The following TRAF3 variants were observed in gnomAD, a reference collection of about 807,000 sequenced individuals.
The protein encoded by TRAF3 is TNF receptor-associated factor 3.
Under a neutral mutation model 62.3 loss-of-function variants are expected in TRAF3, and 13 were observed. The observed-to-expected ratio is 0.21, with a 90% confidence interval of 0.14 to 0.33. TRAF3 has a LOEUF of 0.33. Ranked by LOEUF, TRAF3 falls within the 10% of genes least tolerant of loss-of-function variation. The probability of loss-of-function intolerance (pLI) is 1.00; values close to 1 mark genes in which losing one functional copy is unlikely to be tolerated. For missense variants in TRAF3, 440 were observed against 741.8 expected, an observed-to-expected ratio of 0.59 and a Z score of 4.73; for synonymous variants, 269 against 283.4, an observed-to-expected ratio of 0.95 and a Z score of 0.51.
intron 10 of TRAF3, among the ~76,000 whole-genome samples, chr14:102,899,640 A>G (rs1890176930): frequency 6.6e-6 from 1 of 152,104 alleles, no homozygotes; most frequent in South Asian, 2.1e-4. Context: ...TGGACCAGCT[A>G]GGTGATGAGG....
intron 1 of TRAF3, among the ~76,000 whole-genome samples, chr14:102,802,594 C>T (rs1441018347): frequency 4.0e-5 from 6 of 151,172 alleles, no homozygotes; most frequent in South Asian, 2.1e-4. Flanking sequence ...TTTGGGAGGT[C>T]GAGGTGGGAG....
rs1200081240 is a variant in TRAF3, at chr14:102,876,698, CG to C, written c.570+174del. On this transcript the variant is annotated intron_variant, in intron 6 of 11. Coordinates refer to ENST00000392745, the MANE Select transcript of TRAF3 (RefSeq NM_145725.3). ...TAGATATTCCGTTCCACAGGCCTTC[CG>C]CTCAATTCATAGATAATCCGTTCCA... is the stretch of plus-strand genomic sequence containing the variant. The C allele has an allele frequency of 7.1e-6, 6 of 842,176 alleles. No homozygotes were observed. The South Asian group carries it at 7.7e-5, about 11-fold the overall frequency. The allele number at this position is 842,176 out of a possible 1,614,324, so 52.2% of individuals were successfully genotyped here. A position where few individuals can be genotyped will look rare whatever the true frequency, so the allele number is the denominator to read the frequency against.
chr14:102,781,754 G>A (rs1897281860), intron 1 of TRAF3, among the ~76,000 whole-genome samples: 1 of 151,018 alleles, frequency 6.6e-6, no homozygotes, highest in South Asian at 2.1e-4. Context: ...AGCCTCCCGA[G>A]TAGCTGGGAT....
chr14:102,848,754 C>T (rs1289741193), intron 2 of TRAF3, among the ~76,000 whole-genome samples: 1 of 152,096 alleles, frequency 6.6e-6, no homozygotes, highest in Non-Finnish European at 1.5e-5. Flanking sequence ...TTGGAAAATC[C>T]AGGCTGATTG....
chr14:102,872,029 C>T, intron 4 of TRAF3, 61 bp downstream of exon 4: 3 of 1,557,316 alleles, frequency 1.9e-6, no homozygotes, highest in Non-Finnish European at 2.7e-6. Context: ...ATACTTTTCA[C>T]ATAGTTTGCA....
rs1595417023 is a variant in TRAF3 at position 102,905,214 on chromosome 14, C to G, written c.1137C>G (p.Gly379=). ...CCAAACCCTCCTCACCTGTGGCAGG[C>G]CTGCTGGAGTCCCAGCTGAGCCGGC... ...KSAGQVARNT[G]LLESQLSRHD... Residue 379 remains glycine (G), a splice_region_variant and synonymous_variant, in exon 12 of 12, where the codon GGC becomes GGG. Transcript: ENST00000392745. The G allele has an allele frequency of 6.2e-7, 1 of 1,613,178 alleles. No individual in the cohort carries two copies. The highest frequency in any genetic ancestry group is 8.5e-7 in the Non-Finnish European group (1 of 1,180,002).
At chr14:102,825,572 G>C (rs767452253) in intron 1 of TRAF3, among the ~76,000 whole-genome samples, 77 of 152,234 alleles carry the variant, frequency 5.1e-4, no homozygotes, top group Non-Finnish European at 9.0e-4. Flanking sequence ...CCTTCCCACT[G>C]CTCGAGATCC....
chr14:102,903,612 GT>G lies in TRAF3; in HGVS notation c.1135+186del. On this transcript the variant is annotated intron_variant, in intron 11 of 11. Coordinates refer to ENST00000392745, the MANE Select transcript of TRAF3 (RefSeq NM_145725.3). This position sits in a 1 kb window ranked among gnomAD's most constrained non-coding sequence, Gnocchi z 6.4. ...TGAAAGTCCCCCAGCAAAGACAAAC[GT>G]TTCCCGCGCAGGCTTGTCCCCTCCG... 1 of 902,966 alleles carries G rather than the reference GT, an allele frequency of 1.1e-6. No individual in the cohort carries two copies. Among genetic ancestry groups the G allele is most frequent in the South Asian group, 1.4e-5 (1 of 71,036 alleles). 55.9% of individuals were successfully genotyped at this position (902,966 alleles called of 1,614,324 possible).
chr14:102,895,362 G>C (rs1595405251), intron 9 of TRAF3, among the ~76,000 whole-genome samples: 1 of 152,232 alleles, frequency 6.6e-6, no homozygotes, highest in East Asian at 1.9e-4. Context: ...GACGGTGATT[G>C]CTTCAAAAGA....
In TRAF3 at chr14:102,905,821, T is replaced by C; in HGVS notation, c.*37T>C. Reference sequence around the variant, plus strand: ...GGAGGTGGATTTAGCAGAAGGCAACTCCTCTGGGGGATTTGAACCGGTCTG... The same window carrying C: ...GGAGGTGGATTTAGCAGAAGGCAACCCCTCTGGGGGATTTGAACCGGTCTG... On this transcript the variant is annotated 3_prime_UTR_variant, in exon 12 of 12. Transcript: ENST00000392745. 1 of 1,572,742 alleles carries C rather than the reference T, an allele frequency of 6.4e-7. No individual in the cohort carries two copies. Among genetic ancestry groups the C allele is most frequent in the Non-Finnish European group, 8.7e-7 (1 of 1,144,924 alleles).
intron 9 of TRAF3, among the ~76,000 whole-genome samples, chr14:102,893,752 G>A (rs1332931986): frequency 2.6e-5 from 4 of 152,128 alleles, no homozygotes; most frequent in East Asian, 3.9e-4. Context: ...CCTCTTGGAC[G>A]TTGCCAAAGG....
At chr14:102,790,473 A>G (rs1356088198) in intron 1 of TRAF3, among the ~76,000 whole-genome samples, 3 of 152,224 alleles carry the variant, frequency 2.0e-5, no homozygotes, top group Admixed American at 1.3e-4. Flanking sequence ...AAGAGGTTTA[A>G]TGGACTCATT....
At chr14:102,845,021 C>T (rs1469985112) in intron 2 of TRAF3, among the ~76,000 whole-genome samples, 2 of 151,764 alleles carry the variant, frequency 1.3e-5, no homozygotes, top group Admixed American at 1.3e-4. Flanking sequence ...CCTCAGCCTC[C>T]TGAGTAGCTG....
At chr14:102,785,309 A>C (rs1051886473) in intron 1 of TRAF3, among the ~76,000 whole-genome samples, 1 of 151,784 alleles carries the variant, frequency 6.6e-6, no homozygotes, top group African/African-American at 2.4e-5. Flanking sequence ...CCTCGGATTC[A>C]CTCTCCTTTG....
chr14:102,805,588 G>A (rs537158133), intron 1 of TRAF3, among the ~76,000 whole-genome samples: 1 of 152,272 alleles, frequency 6.6e-6, no homozygotes, highest in Admixed American at 6.5e-5. Flanking sequence ...CTCCCTGCTG[G>A]TGAGCAGTGA....
At position 102,897,167 on chromosome 14, in the gene TRAF3, C is replaced by T. The variant is rs1435952070; in HGVS notation, c.820-94C>T. Reference sequence around the variant, plus strand: ...TTCTGAAACTCTGTCAATAAGCTAACAGAAGGCCTATATTGTGAAAATTTA... The same window carrying T: ...TTCTGAAACTCTGTCAATAAGCTAATAGAAGGCCTATATTGTGAAAATTTA... On this transcript the variant is annotated intron_variant, in intron 9 of 11. Coordinates refer to ENST00000392745, the MANE Select transcript of TRAF3 (RefSeq NM_145725.3). 6 of 1,161,264 alleles carry T rather than the reference C, an allele frequency of 5.2e-6. No individual in the cohort carries two copies. In the East Asian group the frequency reaches 1.3e-4, roughly 24 times the overall value. 71.9% of individuals were successfully genotyped at this position (1,161,264 alleles called of 1,614,324 possible).
intron 2 of TRAF3, among the ~76,000 whole-genome samples, chr14:102,832,180 T>C (rs1458489200): frequency 6.6e-6 from 1 of 152,236 alleles, no homozygotes; most frequent in African/African-American, 2.4e-5. Flanking sequence ...TGGTTAAGTC[T>C]AGCAAATTAG....
intron 6 of TRAF3, among the ~76,000 whole-genome samples, chr14:102,880,856 T>A (rs552571977): frequency 6.6e-6 from 1 of 152,298 alleles, no homozygotes; most frequent in East Asian, 1.9e-4. Flanking sequence ...GGTGGGCAGA[T>A]CACCTGAGGT....
At chr14:102,878,375 GGGGTGAGTGTGAATGT>G (rs1888839981) in intron 6 of TRAF3, among the ~76,000 whole-genome samples, 1 of 144,124 alleles carries the variant, frequency 6.9e-6, no homozygotes, top group Non-Finnish European at 1.5e-5. Context: ...AGTGTGTGTG[GGGGTGAGTGTGAATGT>G]GGGTGAGTGT....
Sources: allele counts gnomAD v4.1 joint callset (sites outside exome capture counted in the v4.1 genomes callset), GRCh38; gene constraint gnomAD v4.1.1; non-coding constraint Gnocchi (gnomAD v3.1); transcripts MANE v1.5; gene names NCBI Gene and HGNC (gene_info 2026-07-23, HGNC 2026-07-21).